The following SASH1 variants were observed in gnomAD, a reference collection of about 807,000 sequenced individuals.
SASH1 encodes SAM and SH3 domain-containing protein 1.
In SASH1, 44 loss-of-function variants were observed where a neutral mutation model predicts 125.2. The ratio of observed to expected loss-of-function variants is 0.35; its 90% CI spans 0.28 to 0.45. The LOEUF (loss-of-function observed/expected upper bound fraction) is 0.45, where lower values mean the gene tolerates loss of function less well. Among genes scored for constraint, SASH1 ranks in the 20% least tolerant of loss-of-function variants. The pLI is 1.00. For missense variants in SASH1, 1,426 were observed against 1,614.5 expected (o/e 0.88, Z 2.00); for synonymous variants, 639 against 649.1 (o/e 0.98, Z 0.24).
intron 1 of SASH1, among the ~76,000 whole-genome samples, chr6:148,291,860 C>T (rs369478352): frequency 1.7e-4 from 26 of 152,004 alleles, no homozygotes; most frequent in Non-Finnish European, 3.5e-4. Flanking sequence ...GATTTCCCAG[C>T]GGGTACTGGG....
rs533848188 is a variant in SASH1 at position 148,287,879 on chromosome 6, G to A, written n.74+15502G>A. 1.2e-4 allele frequency among the ~76,000 whole-genome samples: 18 copies of A among 152,274 alleles called. No individual in the cohort carries two copies. In the South Asian group the frequency reaches 2.3e-3, roughly 19 times the overall value. ...CATTTGTGTTTCCCTCTTCTTAGCT[G>A]CTTAGTGATGGTTTCTTGTTTGTTG... On this transcript the variant is annotated intron_variant and non_coding_transcript_variant, in intron 1 of 3. Transcript: ENST00000367469.
At chr6:148,480,545 A>G (rs974968912) in intron 7 of SASH1, 1 of 152,180 alleles carries the variant, frequency 6.6e-6, no homozygotes, top group South Asian at 2.1e-4. Flanking sequence ...ATCAGTGATT[A>G]CAGGACATCT....
At chr6:148,377,576 T>C (rs1190290931) in intron 1 of SASH1, among the ~76,000 whole-genome samples, 1 of 152,238 alleles carries the variant, frequency 6.6e-6, no homozygotes, top group East Asian at 1.9e-4. Flanking sequence ...TACTCTGATT[T>C]AGGAGGCTTG....
At chr6:148,488,206 C>T (rs1778960591) in intron 8 of SASH1, among the ~76,000 whole-genome samples, 3 of 152,184 alleles carry the variant, frequency 2.0e-5, no homozygotes. Flanking sequence ...GTGAATTTGA[C>T]ACCTCTCAAT....
At chr6:148,331,368 C>T (rs1205928364) in intron 1 of SASH1, among the ~76,000 whole-genome samples, 1 of 152,150 alleles carries the variant, frequency 6.6e-6, no homozygotes, top group Non-Finnish European at 1.5e-5. Flanking sequence ...CTCACTCTGT[C>T]ACCCAGGCTG....
intron 8 of SASH1, among the ~76,000 whole-genome samples, chr6:148,499,957 C>T (rs1033745134): frequency 1.3e-5 from 2 of 152,008 alleles, no homozygotes; most frequent in Admixed American, 6.6e-5. Flanking sequence ...ATTGAATTCA[C>T]GTTCTTATTA....
chr6:148,430,701 G>C (rs1167614355), intron 2 of SASH1, among the ~76,000 whole-genome samples: 1 of 152,212 alleles, frequency 6.6e-6, no homozygotes, highest in African/African-American at 2.4e-5. Context: ...CACATCACTG[G>C]GGAATTTTGG....
chr6:148,270,098 C>T (rs1282970372), upstream of SASH1, among the ~76,000 whole-genome samples: 1 of 152,228 alleles, frequency 6.6e-6, no homozygotes, highest in African/African-American at 2.4e-5. Context: ...GGCAGAATTT[C>T]TCTTTTGGTT....
At chr6:148,218,042 G>T in the SASH1 span, among the ~76,000 whole-genome samples, 1 of 151,078 alleles carries the variant, frequency 6.6e-6, no homozygotes, top group African/African-American at 2.4e-5. Context: ...TAAAAAAAAT[G>T]AATCTTGGGC....
At position 148,324,118 on chromosome 6, in the gene SASH1, C is replaced by CAAAAAAAAAAAAAAAAAAA. The variant is rs56950339; in HGVS notation, n.74+51759_74+51760insAAAAAAAAAAAAAAAAAAA. Among the ~76,000 whole-genome samples, 11 of 59,440 alleles carry CAAAAAAAAAAAAAAAAAAA rather than the reference C, an allele frequency of 1.9e-4. 2 individuals carry two copies. Among genetic ancestry groups the CAAAAAAAAAAAAAAAAAAA allele is most frequent in the South Asian group, 9.7e-4 (1 of 1,032 alleles). The allele number at this position is 59,440 out of a possible 152,430, so 39.0% of individuals were successfully genotyped here. ...GTGGTGACAGAGCAAGAATCTGTCT[C>CAAAAAAAAAAAAAAAAAAA]AAAAAAAAAAAAAAAAAACAAGCAT... On this transcript the variant is annotated intron_variant and non_coding_transcript_variant, in intron 1 of 3. Transcript: ENST00000367469.
intron 1 of SASH1, among the ~76,000 whole-genome samples, chr6:148,299,671 G>GAAAAAAAAAAAAAAA (rs57758957): frequency 2.6e-5 from 3 of 114,978 alleles, no homozygotes; most frequent in South Asian, 2.8e-4. Context: ...CACCTCAAAA[G>GAAAAAAAAAAAAAAA]AAAAAAAAAA....
At chr6:148,221,590 T>C in the SASH1 span, among the ~76,000 whole-genome samples, 1 of 152,208 alleles carries the variant, frequency 6.6e-6, no homozygotes, top group South Asian at 2.1e-4. Context: ...CCACAGAATT[T>C]ACAGTGGCTA....
At chr6:148,513,154 T>A (rs1780246217) in intron 8 of SASH1, 1 of 985,364 alleles carries the variant, frequency 1.0e-6, no homozygotes, top group Admixed American at 6.1e-5. Context: ...CTGGGATTAG[T>A]GAGAGCTTTT....
intron 1 of SASH1, chr6:148,272,524 C>A: frequency 3.1e-6 from 1 of 323,838 alleles, no homozygotes; most frequent in Admixed American, 3.0e-5. Flanking sequence ...CTGATGAATT[C>A]ATCAAAATTC....
intron 4 of SASH1, among the ~76,000 whole-genome samples, chr6:148,456,587 G>A (rs368994187): frequency 7.2e-5 from 11 of 152,184 alleles, no homozygotes; most frequent in Non-Finnish European, 1.2e-4. Context: ...AATAGCAGGC[G>A]CAGTGGCTCA....
At chr6:148,247,737 A>T in the SASH1 span, among the ~76,000 whole-genome samples, 1 of 152,238 alleles carries the variant, frequency 6.6e-6, no homozygotes, top group Non-Finnish European at 1.5e-5. Context: ...TTCTTTGGAA[A>T]GTTCCCATGC....
At chr6:148,307,121 T>TC (rs1780165770) in intron 1 of SASH1, among the ~76,000 whole-genome samples, 1 of 151,348 alleles carries the variant, frequency 6.6e-6, no homozygotes, top group Admixed American at 6.6e-5. Context: ...TTTCTTTCTT[T>TC]TCTTTCTTAT....
chr6:148,505,243 C>A (rs557844453), intron 8 of SASH1, among the ~76,000 whole-genome samples: 1 of 152,346 alleles, frequency 6.6e-6, no homozygotes, highest in African/African-American at 2.4e-5. Flanking sequence ...TATATCTGAA[C>A]AGCCTGTCCA....
chr6:148,291,464 T>C (rs1359201608), intron 1 of SASH1, among the ~76,000 whole-genome samples: 2 of 152,092 alleles, frequency 1.3e-5, no homozygotes, highest in Admixed American at 6.6e-5. Context: ...GCAGATCACT[T>C]GAGGTCAGGA....
Sources: allele counts gnomAD v4.1 joint callset (sites outside exome capture counted in the v4.1 genomes callset), GRCh38; gene constraint gnomAD v4.1.1; transcripts MANE v1.5; gene names NCBI Gene and HGNC (gene_info 2026-07-23, HGNC 2026-07-21).